The following SFXN5 variants were observed in gnomAD, a reference collection of about 807,000 sequenced individuals.
SFXN5 encodes sideroflexin 5, also known as sideroflexin-5.
In SFXN5, 43 loss-of-function variants were observed where a neutral mutation model predicts 50.2. The observed-to-expected ratio is 0.86, with a 90% CI of 0.67 to 1.11. The LOEUF is 1.11. Among genes scored for constraint, SFXN5 ranks in the 50% least tolerant of loss-of-function variants. SFXN5 has a pLI of 0.00. For missense variants in SFXN5, 463 were observed against 454.1 expected, an observed-to-expected ratio of 1.02 and a Z score of -0.18; for synonymous variants, 203 against 185.8, an observed-to-expected ratio of 1.09 and a Z score of -0.75.
At chr2:73,069,030 T>G (rs868146375) in intron 1 of SFXN5, among the ~76,000 whole-genome samples, 12 of 131,760 alleles carry the variant, frequency 9.1e-5, no homozygotes, top group African/African-American at 3.2e-4. Context: ...GTGCGAAGTG[T>G]GGGTGGGTGG....
In SFXN5 at chr2:72,981,996, T is replaced by TGTGTGC. The variant is rs1491565927; in HGVS notation, c.625+6261_625+6262insGCACAC. Reference sequence around the variant, plus strand: ...GTGTGTGTGTGTGTGTGTGTGTGTGTGCGTGCCATTTTGAACATCTAACCA... The same window carrying TGTGTGC: ...GTGTGTGTGTGTGTGTGTGTGTGTGTGTGTGCGCGTGCCATTTTGAACATCTAACCA... On this transcript the variant is annotated intron_variant, in intron 10 of 13. Transcript: ENST00000272433. Among the ~76,000 whole-genome samples the TGTGTGC allele has an allele frequency of 2.9e-3, 412 of 142,996 alleles. 5 individuals carry two copies. The highest frequency in any genetic ancestry group is 0.01 in the African/African-American group (398 of 39,760). The allele number at this position is 142,996 out of a possible 152,430, so 93.8% of individuals were successfully genotyped here. A position where few individuals can be genotyped will look rare whatever the true frequency, so the allele number is the denominator to read the frequency against.
intron 2 of SFXN5, chr2:73,049,056 A>G (rs1053051578): frequency 6.6e-6 from 1 of 152,242 alleles, no homozygotes; most frequent in African/African-American, 2.4e-5. Flanking sequence ...CATTTTTAGT[A>G]TTACTATGTT....
In SFXN5 at chr2:72,953,345, A is replaced by G. The variant is rs1672743739; in HGVS notation, c.945+7786T>C. Among the ~76,000 whole-genome samples the G allele has an allele frequency of 6.6e-6, 1 of 152,128 alleles. No homozygotes were observed. The highest frequency in any genetic ancestry group is 2.1e-4 in the South Asian group (1 of 4,826). ...AGTAAATGAGAAAAACCCCAAACAAACATCTCCAAGCAAAGTAGGAGATGG... is the reference window on the plus strand; with the variant it reads ...AGTAAATGAGAAAAACCCCAAACAAGCATCTCCAAGCAAAGTAGGAGATGG... On this transcript the variant is annotated intron_variant, in intron 13 of 13. Transcript: ENST00000272433. This position sits in a 1 kb window ranked among gnomAD's most constrained non-coding sequence, Gnocchi z 4.1.
chr2:73,054,586 G>A (rs956479465), intron 2 of SFXN5, among the ~76,000 whole-genome samples: 1 of 152,142 alleles, frequency 6.6e-6, no homozygotes, highest in African/African-American at 2.4e-5. Context: ...ATGCTACCCT[G>A]TAGCTGCTCA....
chr2:72,949,646 G>T (rs1489445998), intron 13 of SFXN5, among the ~76,000 whole-genome samples: 3 of 151,820 alleles, frequency 2.0e-5, no homozygotes, highest in African/African-American at 7.3e-5. Flanking sequence ...GGGATGGTGG[G>T]TGTGGAGGAT....
chr2:73,010,692 A>G (rs977812219), intron 6 of SFXN5, among the ~76,000 whole-genome samples: 7 of 152,242 alleles, frequency 4.6e-5, no homozygotes, highest in Non-Finnish European at 1.0e-4. Flanking sequence ...TGTAGAGGTC[A>G]CTTTCTCTGA....
rs920646418 is a variant in SFXN5, at chr2:72,945,335, G to A, written c.946-236C>T. On this transcript the variant is annotated intron_variant, in intron 13 of 13. Transcript: ENST00000272433. The surrounding 1 kb of genome is among the most constrained non-coding windows in gnomAD (Gnocchi z 5.8). ...CAGACCAGATCTCTTTCTTCTGATG[G>A]TGTGTCCACGTGGGTGGACATCCTA... Among the ~76,000 whole-genome samples the A allele has an allele frequency of 1.3e-5, 2 of 152,070 alleles. No homozygotes were observed. Among genetic ancestry groups the A allele is most frequent in the African/African-American group, 4.8e-5 (2 of 41,394 alleles).
At chr2:72,984,340 C>T (rs1205088251) in intron 10 of SFXN5, among the ~76,000 whole-genome samples, 2 of 152,236 alleles carry the variant, frequency 1.3e-5, no homozygotes, top group South Asian at 2.1e-4. Context: ...GCATCAGTCA[C>T]GTGACACAGG....
intron 2 of SFXN5, among the ~76,000 whole-genome samples, chr2:73,047,012 G>A (rs1466382940): frequency 2.7e-5 from 4 of 150,400 alleles, no homozygotes; most frequent in Non-Finnish European, 5.9e-5. Flanking sequence ...GGATCATGAG[G>A]TCAGGAGTTC....
chr2:72,987,940 T>C (rs1672108402), intron 10 of SFXN5, among the ~76,000 whole-genome samples: 1 of 152,194 alleles, frequency 6.6e-6, no homozygotes, highest in South Asian at 2.1e-4. Flanking sequence ...CGGAAGGAAA[T>C]GTTAAAATGC....
At chr2:73,066,820 G>C (rs1683211518) in intron 1 of SFXN5, among the ~76,000 whole-genome samples, 1 of 151,772 alleles carries the variant, frequency 6.6e-6, no homozygotes, top group Non-Finnish European at 1.5e-5. Context: ...CAGCAAAATA[G>C]CAAGACACCT....
intron 4 of SFXN5, 131 bp from the exon 5 acceptor site, chr2:73,022,707 G>C: frequency 1.5e-6 from 1 of 681,626 alleles, no homozygotes; most frequent in Non-Finnish European, 2.7e-6. Flanking sequence ...ACTTCTCTGG[G>C]AAGATTCAGA....
At chr2:73,054,230 A>G (rs1457711777) in intron 2 of SFXN5, among the ~76,000 whole-genome samples, 1 of 152,210 alleles carries the variant, frequency 6.6e-6, no homozygotes, top group African/African-American at 2.4e-5. Context: ...GGGGAGGAGA[A>G]GTGCAGATCT....
chr2:73,068,120 A>C (rs13427947), intron 1 of SFXN5, among the ~76,000 whole-genome samples: 48,142 of 152,010 alleles, frequency 0.32, 9,104 homozygotes, highest in East Asian at 0.55. Context: ...ACAGGGAGAC[A>C]CTTGAGGGAA....
chr2:73,022,721 C>G (rs891564473), intron 4 of SFXN5, 145 bp from the exon 5 acceptor site: 2 of 666,736 alleles, frequency 3.0e-6, no homozygotes, highest in Non-Finnish European at 5.4e-6. Context: ...ATTCAGATAC[C>G]AGTGGCTGTA....
chr2:73,034,501 C>G (rs1270817474), intron 3 of SFXN5, among the ~76,000 whole-genome samples: 2 of 152,228 alleles, frequency 1.3e-5, no homozygotes, highest in African/African-American at 4.8e-5. Flanking sequence ...GCAGCTCTTT[C>G]TCCTAGGCAG....
intron 3 of SFXN5, among the ~76,000 whole-genome samples, chr2:73,024,698 T>A (rs973058986): frequency 6.6e-6 from 1 of 152,046 alleles, no homozygotes; most frequent in Non-Finnish European, 1.5e-5. Context: ...CAAAGGCCAG[T>A]ATATTTTTTT....
At chr2:73,016,398 G>T (rs994766966) in intron 6 of SFXN5, among the ~76,000 whole-genome samples, 5 of 152,152 alleles carry the variant, frequency 3.3e-5, no homozygotes, top group Non-Finnish European at 7.3e-5. Flanking sequence ...GATATACAGT[G>T]ATTTTCAAGA....
At chr2:73,059,927 T>C (rs1256449485) in intron 1 of SFXN5, 1 of 939,674 alleles carries the variant, frequency 1.1e-6, no homozygotes, top group Non-Finnish European at 1.3e-6. Context: ...AGGTGGATGG[T>C]TAAATAAATG....
Sources: gnomAD v4.1 joint callset for allele counts (sites outside exome capture counted in the v4.1 genomes callset) on GRCh38, gnomAD v4.1.1 for gene constraint, Gnocchi (gnomAD v3.1) non-coding constraint, MANE v1.5 for transcripts, NCBI Gene and HGNC (gene_info 2026-07-23, HGNC 2026-07-21) for gene names.